The following REPS1 variants were observed in gnomAD, a reference collection of about 807,000 sequenced individuals.
REPS1 encodes the protein ralBP1-associated Eps domain-containing protein 1.
Under a neutral mutation model 100.9 loss-of-function variants are expected in REPS1, and 39 were observed. The observed-to-expected ratio is 0.39, with a 90% CI of 0.30 to 0.50. REPS1 has a LOEUF of 0.50. Ranked by LOEUF, REPS1 falls within the 20% of genes least tolerant of loss-of-function variation. The pLI is 0.86. For synonymous variants in REPS1, 324 were observed against 340.3 expected, an observed-to-expected ratio of 0.95 and a Z score of 0.53; for missense variants, 821 against 968.5, an observed-to-expected ratio of 0.85 and a Z score of 2.02.
intron 16 of REPS1, among the ~76,000 whole-genome samples, chr6:138,911,993 CGGT>C (rs912614029): frequency 6.6e-6 from 1 of 152,100 alleles, no homozygotes; most frequent in African/African-American, 2.4e-5. Context: ...GGAGTGAGTA[CGGT>C]ACCCTGTGCA....
At chr6:138,935,627 A>G (rs1212216) in intron 8 of REPS1, among the ~76,000 whole-genome samples, 128,955 of 151,934 alleles carry the variant, frequency 0.85, 55,039 homozygotes, top group African/African-American at 0.93. Flanking sequence ...AGACCGAGGC[A>G]GGCGCTTCAC....
At chr6:138,906,862 G>GT (rs1049915870) in intron 19 of REPS1, among the ~76,000 whole-genome samples, 1 of 152,080 alleles carries the variant, frequency 6.6e-6, no homozygotes, top group African/African-American at 2.4e-5. Context: ...CCACTGGTTT[G>GT]TAAGACATGA....
At chr6:138,919,459 T>C (rs940315758) in intron 12 of REPS1, among the ~76,000 whole-genome samples, 13 of 152,338 alleles carry the variant, frequency 8.5e-5, no homozygotes, top group East Asian at 5.8e-4. Context: ...AAACCTTCGA[T>C]TGGCTTTTCA....
Position 138,905,074 on chromosome 6 carries a change from G to C in REPS1, c.2381C>G (p.Ser794Cys). The change falls in exon 20 of 20, where the codon TCT (serine) becomes TGT (cysteine). Residue 794 changes from serine (S) to cysteine (C), a missense_variant. Around this residue, in one of 3 missense-constraint regions of REPS1, gnomAD observed 757 missense variants for 866.4 expected, o/e 0.87. Coordinates refer to ENST00000450536, the MANE Select transcript of REPS1 (RefSeq NM_001286611.2). Reference protein sequence around the residue: ...EVQLEQLRPFSHL With the variant: ...EVQLEQLRPFCHL ...TTAACGGCAATTGGCTTATAGGTGAGAGAATGGTCGAAGTTGTTCCAGTTG... is the reference window on the plus strand; with the variant it reads ...TTAACGGCAATTGGCTTATAGGTGACAGAATGGTCGAAGTTGTTCCAGTTG... 2 of 1,613,962 alleles carry C rather than the reference G, an allele frequency of 1.2e-6. No homozygotes were observed. The highest frequency in any genetic ancestry group is 2.2e-5 in the South Asian group (2 of 91,068).
At chr6:138,980,583 C>T (rs571568675) in intron 1 of REPS1, among the ~76,000 whole-genome samples, 3 of 151,342 alleles carry the variant, frequency 2.0e-5, no homozygotes, top group South Asian at 4.2e-4. Context: ...GGGGCCTTCC[C>T]TTACACCTAA....
intron 1 of REPS1, among the ~76,000 whole-genome samples, chr6:138,976,572 C>T (rs769849992): frequency 5.9e-5 from 9 of 152,156 alleles, no homozygotes; most frequent in African/African-American, 2.2e-4. Context: ...CTACTTCAAA[C>T]TTGCATTATT....
intron 1 of REPS1, among the ~76,000 whole-genome samples, chr6:138,961,916 TGCA>T (rs763842325): frequency 6.6e-6 from 1 of 152,044 alleles, no homozygotes; most frequent in Non-Finnish European, 1.5e-5. Flanking sequence ...AACTAAGGAG[TGCA>T]GGTGTAAAGG....
intron 1 of REPS1, among the ~76,000 whole-genome samples, chr6:138,975,919 C>T (rs1007701073): frequency 6.6e-6 from 1 of 152,112 alleles, no homozygotes; most frequent in African/African-American, 2.4e-5. Context: ...TAAGTACTTA[C>T]AAAAGATGAG....
intron 1 of REPS1, among the ~76,000 whole-genome samples, chr6:138,949,741 GT>G (rs1302442713): frequency 6.7e-6 from 1 of 149,422 alleles, no homozygotes; most frequent in Non-Finnish European, 1.5e-5. Context: ...AAAAAAAAAG[GT>G]TTTATTATAT....
chr6:138,975,727 G>A (rs915752862), intron 1 of REPS1, among the ~76,000 whole-genome samples: 7 of 152,096 alleles, frequency 4.6e-5, no homozygotes, highest in Non-Finnish European at 8.8e-5. Flanking sequence ...CCAGCTACTC[G>A]AGAGGCTGAG....
intron 17 of REPS1, among the ~76,000 whole-genome samples, chr6:138,909,638 T>C (rs1779881109): frequency 1.3e-5 from 2 of 151,962 alleles, no homozygotes; most frequent in South Asian, 4.2e-4. Flanking sequence ...CCCCATGCTG[T>C]TCTTATGAGA....
intron 10 of REPS1, among the ~76,000 whole-genome samples, chr6:138,925,980 T>G (rs1316411543): frequency 1.3e-5 from 2 of 152,194 alleles, no homozygotes; most frequent in African/African-American, 4.8e-5. Flanking sequence ...GCCATGTCAT[T>G]TGGCATGTCA....
At chr6:138,921,567 CTTTTTTTT>C (rs755518526) in intron 10 of REPS1, among the ~76,000 whole-genome samples, 2 of 57,644 alleles carry the variant, frequency 3.5e-5, no homozygotes, top group South Asian at 8.8e-4. Context: ...TAGGAGGATC[CTTTTTTTT>C]TTTTTTTTTT....
intron 1 of REPS1, among the ~76,000 whole-genome samples, chr6:138,952,568 T>C (rs1783106189): frequency 6.6e-6 from 1 of 151,516 alleles, no homozygotes; most frequent in Non-Finnish European, 1.5e-5. Context: ...CCTGGCTAAT[T>C]TTTGTATTTT....
At chr6:138,915,522 G>A in intron 14 of REPS1, among the ~76,000 whole-genome samples, 1 of 148,302 alleles carries the variant, frequency 6.7e-6, no homozygotes, top group Non-Finnish European at 1.5e-5. Flanking sequence ...ATGCAATCTT[G>A]GCTCACTGCA....
chr6:138,939,217 AT>A (rs1197463637), intron 8 of REPS1, among the ~76,000 whole-genome samples: 2 of 152,230 alleles, frequency 1.3e-5, no homozygotes, highest in African/African-American at 2.4e-5. Flanking sequence ...TGAATGTAAT[AT>A]AATACCGTGT....
intron 6 of REPS1, 109 bp downstream of exon 6, chr6:138,943,744 A>G (rs1165663091): frequency 3.7e-6 from 4 of 1,085,546 alleles, no homozygotes; most frequent in Admixed American, 2.8e-5. Flanking sequence ...AAATAATCTG[A>G]TAATTATTTT....
chr6:138,943,978 G>C lies in REPS1; in HGVS notation c.791C>G (p.Thr264Ser). The change falls in exon 6 of 20, where the codon ACT becomes AGT. Residue 264 changes from threonine to serine, a missense_variant. By Grantham distance (58) the Thr-to-Ser change is moderately conservative. Coordinates refer to ENST00000450536, the MANE Select transcript of REPS1 (RefSeq NM_001286611.2). The stretch of plus-strand genomic sequence containing the variant: ...GGATTGCCTACGAATTTCAATGGCA[G>C]TTGTAGCTGATGCTACAGTTCGTAC... ...TTVRTVASAT[T>S]AIEIRRQSSS... The C allele has an allele frequency of 6.2e-7, 1 of 1,613,884 alleles. No individual in the cohort carries two copies. The highest frequency in any genetic ancestry group is 8.5e-7 in the Non-Finnish European group (1 of 1,179,880).
At chr6:138,967,265 T>C (rs1784076918) in intron 1 of REPS1, among the ~76,000 whole-genome samples, 1 of 152,216 alleles carries the variant, frequency 6.6e-6, no homozygotes, top group Non-Finnish European at 1.5e-5. Context: ...ACCCAGTCTA[T>C]GGTATTCTGT....
Sources: allele counts gnomAD v4.1 joint callset (sites outside exome capture counted in the v4.1 genomes callset), GRCh38; gene constraint gnomAD v4.1.1; regional missense constraint gnomAD v4.1.1; transcripts MANE v1.5; gene names NCBI Gene and HGNC (gene_info 2026-07-23, HGNC 2026-07-21).